OSBP2: variants seen among roughly 807,000 people sequenced by gnomAD.
OSBP2 encodes oxysterol binding protein 2, also known as oxysterol-binding protein 2.
In OSBP2, 66 loss-of-function variants were observed where a neutral mutation model predicts 96.0. The ratio of observed to expected loss-of-function variants is 0.69; its 90% CI spans 0.56 to 0.84. The LOEUF (loss-of-function observed/expected upper bound fraction) is 0.84. Ranked by LOEUF, OSBP2 falls within the 40% of genes least tolerant of loss-of-function variation. The pLI is 0.00. For missense variants in OSBP2, 1,038 were observed against 1,222.7 expected (o/e 0.85, Z 2.25); for synonymous variants, 525 against 520.9 (o/e 1.01, Z -0.11).
chr22:30,759,653 C>G (rs143249061), intron 2 of OSBP2, among the ~76,000 whole-genome samples: 1 of 152,080 alleles, frequency 6.6e-6, no homozygotes, highest in Non-Finnish European at 1.5e-5. Context: ...AACACTTGCC[C>G]AAGATCAAAT....
chr22:30,813,498 T>G (rs1312931613), intron 2 of OSBP2, among the ~76,000 whole-genome samples: 2 of 151,960 alleles, frequency 1.3e-5, no homozygotes, highest in Non-Finnish European at 2.9e-5. Context: ...TTGACCCTTC[T>G]GTAGTCTCTG....
intron 1 of OSBP2, among the ~76,000 whole-genome samples, chr22:30,731,959 A>C (rs2089787359): frequency 6.6e-6 from 1 of 152,138 alleles, no homozygotes; most frequent in Admixed American, 6.6e-5. Flanking sequence ...AGTGGTCTGC[A>C]TGTGTTGTTG....
chr22:30,905,988 C>A lies in OSBP2; in HGVS notation c.2527C>A (p.Arg843=). 1 of 1,600,376 alleles carries A rather than the reference C, an allele frequency of 6.2e-7. No individual in the cohort carries two copies. The highest frequency in any genetic ancestry group is 8.5e-7 in the Non-Finnish European group (1 of 1,174,118). Residue 843 remains arginine, a synonymous_variant, in exon 13 of 14, where the codon CGG becomes AGG. Transcript: ENST00000332585. ...RWDEANTEKQ[R]LEEKQRLSRR... ...GGACGAGGCCAATACCGAGAAGCAG[C>A]GGCTGGAGGAGAAGCAGCGCCTGTC...
intron 2 of OSBP2, among the ~76,000 whole-genome samples, chr22:30,828,902 A>G (rs1414700462): frequency 6.6e-6 from 1 of 152,126 alleles, no homozygotes; most frequent in Admixed American, 6.5e-5. Context: ...GCGAGGGGGC[A>G]GTTGTGCTGG....
intron 2 of OSBP2, among the ~76,000 whole-genome samples, chr22:30,806,221 C>A (rs1166612823): frequency 6.6e-6 from 1 of 152,172 alleles, no homozygotes; most frequent in African/African-American, 2.4e-5. Context: ...AGGAGAGGAC[C>A]TCACAGATGA....
Position 30,893,137 on chromosome 22 carries a change from C to G in OSBP2, c.1885C>G (p.Pro629Ala), listed in dbSNP as rs768739585. 1.4e-5 allele frequency: 22 copies of G among 1,613,952 alleles called. No homozygotes were observed. In the Admixed American group the frequency reaches 2.2e-4, roughly 16 times the overall value. The change falls in exon 9 of 14, where the codon CCC (proline) becomes GCC (alanine). Residue 629 changes from proline to alanine, a missense_variant. By Grantham distance (27) the Pro-to-Ala change is conservative (BLOSUM62 -1). Around this residue, in one of 3 missense-constraint regions of OSBP2, gnomAD observed 737 missense variants for 913.3 expected, o/e 0.81. Coordinates refer to ENST00000332585, the MANE Select transcript of OSBP2 (RefSeq NM_030758.4). The part of the protein sequence containing the change: ...SLCEQVSHHP[P>A]SAAHYVFSKH... The stretch of plus-strand genomic sequence containing the variant: ...CTGGTCTCAGGTGAGCCACCACCCC[C>G]CCTCAGCTGCGCACTACGTGTTCTC...
chr22:30,898,169 C>T (rs566497123), intron 12 of OSBP2, among the ~76,000 whole-genome samples: 9 of 151,946 alleles, frequency 5.9e-5, no homozygotes, highest in Non-Finnish European at 1.3e-4. Flanking sequence ...AGTGAGACCT[C>T]ATCTCTACCA....
intron 2 of OSBP2, among the ~76,000 whole-genome samples, chr22:30,775,845 G>T (rs2090427190): frequency 6.6e-6 from 1 of 151,840 alleles, no homozygotes; most frequent in Non-Finnish European, 1.5e-5. Context: ...GCTCAGGCTG[G>T]AGTTCAGTGG....
intron 2 of OSBP2, among the ~76,000 whole-genome samples, chr22:30,854,952 G>A (rs1404025010): frequency 7.0e-6 from 1 of 142,762 alleles, no homozygotes; most frequent in Non-Finnish European, 1.5e-5. Flanking sequence ...GCAGCAAGGA[G>A]AACAGAGCGA....
intron 1 of OSBP2, among the ~76,000 whole-genome samples, chr22:30,725,790 C>CTTT: frequency 7.0e-6 from 1 of 142,202 alleles, no homozygotes; most frequent in African/African-American, 2.6e-5. Context: ...TCAAAAGAGT[C>CTTT]TTTTTTTTTT....
At chr22:30,727,839 T>G (rs136368) in intron 1 of OSBP2, among the ~76,000 whole-genome samples, 147,582 of 152,248 alleles carry the variant, frequency 0.97, 71,597 homozygotes, top group East Asian at 1. Flanking sequence ...GGGCGCAGTG[T>G]CTCACACCTG....
intron 12 of OSBP2, among the ~76,000 whole-genome samples, chr22:30,903,591 G>A (rs1031637809): frequency 3.3e-5 from 5 of 152,256 alleles, no homozygotes; most frequent in Non-Finnish European, 7.3e-5. Context: ...GTCCCAATGA[G>A]TTCACTCCTT....
At chr22:30,894,294 A>C in intron 12 of OSBP2, 1 of 354,418 alleles carries the variant, frequency 2.8e-6, no homozygotes. Flanking sequence ...GAAATAGAAA[A>C]CTATAAAATG....
intron 1 of OSBP2, among the ~76,000 whole-genome samples, chr22:30,706,226 G>A (rs545625147): frequency 2.0e-5 from 3 of 152,296 alleles, no homozygotes; most frequent in African/African-American, 7.2e-5. Context: ...GTGGCTTTAA[G>A]AGGCCCCTTT....
At chr22:30,730,823 TC>T (rs1376149480) in intron 1 of OSBP2, among the ~76,000 whole-genome samples, 1 of 129,756 alleles carries the variant, frequency 7.7e-6, no homozygotes, top group Non-Finnish European at 1.6e-5. Flanking sequence ...TTTTTTTTTT[TC>T]CCATGGACAT....
intron 1 of OSBP2, among the ~76,000 whole-genome samples, chr22:30,715,165 G>A (rs1421365777): frequency 6.6e-6 from 1 of 151,892 alleles, no homozygotes; most frequent in Non-Finnish European, 1.5e-5. Flanking sequence ...CCAAAGTGCT[G>A]AGATTACAGG....
intron 2 of OSBP2, among the ~76,000 whole-genome samples, chr22:30,867,652 C>T (rs1385925666): frequency 6.6e-6 from 1 of 152,254 alleles, no homozygotes; most frequent in East Asian, 1.9e-4. Context: ...GAGGCCAGAA[C>T]AAGCATGTCC....
intron 1 of OSBP2, among the ~76,000 whole-genome samples, chr22:30,726,222 T>G (rs953548319): frequency 2.6e-5 from 4 of 152,152 alleles, no homozygotes; most frequent in African/African-American, 9.7e-5. Flanking sequence ...TAGCAAAACT[T>G]GGAACCAACC....
At chr22:30,806,860 A>G (rs2090936408) in intron 2 of OSBP2, among the ~76,000 whole-genome samples, 2 of 152,060 alleles carry the variant, frequency 1.3e-5, no homozygotes, top group African/African-American at 4.8e-5. Context: ...GACTGCATTG[A>G]TTTCCATTTC....
Sources: gnomAD v4.1 joint callset for allele counts (sites outside exome capture counted in the v4.1 genomes callset) on GRCh38, gnomAD v4.1.1 for gene constraint, gnomAD v4.1.1 regional missense constraint, MANE v1.5 for transcripts, NCBI Gene and HGNC (gene_info 2026-07-23, HGNC 2026-07-21) for gene names.